CYRIB: variants seen among roughly 807,000 people sequenced by gnomAD.
CYRIB encodes the protein CYFIP related Rac1 interactor B.
In CYRIB, 8 loss-of-function variants were observed where a neutral mutation model predicts 44.2. The ratio of observed to expected loss-of-function variants is 0.18; its 90% CI spans 0.11 to 0.33. The LOEUF (loss-of-function observed/expected upper bound fraction) is 0.33. Among genes scored for constraint, CYRIB ranks in the 10% least tolerant of loss-of-function variants. CYRIB has a pLI of 1.00. For missense variants in CYRIB, 185 were observed against 382.8 expected, an observed-to-expected ratio of 0.48 and a Z score of 4.31; for synonymous variants, 131 against 127.2, an observed-to-expected ratio of 1.03 and a Z score of -0.20.
intron 1 of CYRIB, among the ~76,000 whole-genome samples, chr8:129,993,722 C>T (rs1019418294): frequency 6.6e-6 from 1 of 151,374 alleles, no homozygotes; most frequent in Non-Finnish European, 1.5e-5. Flanking sequence ...ATTAGCCGGA[C>T]GTGGTGGTTC....
intron 11 of CYRIB, chr8:129,844,045 A>G (rs2038260343): frequency 6.6e-6 from 1 of 152,238 alleles, no homozygotes; most frequent in Non-Finnish European, 1.5e-5. Flanking sequence ...CTCTTTATGT[A>G]GATAAAGTAT....
intron 4 of CYRIB, among the ~76,000 whole-genome samples, chr8:129,870,951 G>A (rs999744059): frequency 6.6e-6 from 1 of 152,090 alleles, no homozygotes; most frequent in African/African-American, 2.4e-5. Flanking sequence ...AAAAACAAAA[G>A]AAACAAAAAA....
chr8:130,009,319 G>A (rs1366829343), intron 1 of CYRIB, among the ~76,000 whole-genome samples: 1 of 151,100 alleles, frequency 6.6e-6, no homozygotes, highest in Admixed American at 6.6e-5. Flanking sequence ...CCAGGCTGGA[G>A]TGCAATGGCA....
intron 9 of CYRIB, 185 bp from the exon 12 acceptor site, chr8:129,849,554 T>A: frequency 2.0e-6 from 1 of 511,474 alleles, no homozygotes; most frequent in Non-Finnish European, 3.3e-6. Context: ...CCTTTCCAAA[T>A]CAACCCCCTG....
intron 2 of CYRIB, among the ~76,000 whole-genome samples, chr8:129,965,464 C>T (rs1049011413): frequency 1.3e-5 from 2 of 152,056 alleles, no homozygotes; most frequent in Non-Finnish European, 2.9e-5. Flanking sequence ...GCAGATATGA[C>T]CTACTATTTT....
At chr8:129,924,287 A>C (rs1424035136) in intron 1 of CYRIB, among the ~76,000 whole-genome samples, 1 of 13,282 alleles carries the variant, frequency 7.5e-5, no homozygotes. Flanking sequence ...AAAAAAAAAA[A>C]AACCGGGGGG....
intron 1 of CYRIB, among the ~76,000 whole-genome samples, chr8:129,924,382 G>A (rs2086151081): frequency 7.3e-6 from 1 of 137,842 alleles, no homozygotes; most frequent in Non-Finnish European, 1.5e-5. Flanking sequence ...TCTGTTTCCA[G>A]AACAGATCTG....
chr8:129,984,768 TTTTTTG>T (rs941646292), intron 1 of CYRIB, among the ~76,000 whole-genome samples: 1 of 152,002 alleles, frequency 6.6e-6, no homozygotes, highest in Non-Finnish European at 1.5e-5. Flanking sequence ...GGTGGGGGTT[TTTTTTG>T]TTTTTGTTTT....
chr8:129,847,927 G>A (rs188417886), intron 10 of CYRIB, among the ~76,000 whole-genome samples: 102 of 152,198 alleles, frequency 6.7e-4, no homozygotes, highest in Middle Eastern at 3.4e-3. Context: ...TCAGCCTCCC[G>A]AGTAGCTGGG....
rs75255598 is a variant in CYRIB, at chr8:129,876,979, C to T, written c.73+2410G>A. On this transcript the variant is annotated intron_variant, in intron 3 of 11. Coordinates refer to ENST00000519824, the Ensembl canonical transcript of CYRIB. ...GAGTCTGGTATAAAGCAGTATAAAACGGTTTAAGAGAACACCCATCTGATA... is the reference window on the plus strand; with the variant it reads ...GAGTCTGGTATAAAGCAGTATAAAATGGTTTAAGAGAACACCCATCTGATA... Among the ~76,000 whole-genome samples, 990 of 152,248 alleles carry T rather than the reference C, an allele frequency of 6.5e-3. 9 individuals are homozygous for T. The highest frequency in any genetic ancestry group is 0.023 in the South Asian group (109 of 4,826).
At chr8:129,974,974 G>A (rs1431055822) in intron 1 of CYRIB, among the ~76,000 whole-genome samples, 1 of 151,680 alleles carries the variant, frequency 6.6e-6, no homozygotes, top group Non-Finnish European at 1.5e-5. Flanking sequence ...CTGCCTCCCG[G>A]GTTCAAGAGA....
chr8:129,902,990 T>G (rs1444643476), intron 2 of CYRIB: 1 of 152,520 alleles, frequency 6.6e-6, no homozygotes. Context: ...ATATATACTT[T>G]AAACTACTAA....
intron 1 of CYRIB, among the ~76,000 whole-genome samples, chr8:129,934,367 A>G (rs1163500775): frequency 6.6e-6 from 1 of 152,206 alleles, no homozygotes; most frequent in Non-Finnish European, 1.5e-5. Context: ...CTTAGCCCCA[A>G]GAAGGATCTC....
At chr8:129,885,522 T>C (rs1239845275) in intron 2 of CYRIB, among the ~76,000 whole-genome samples, 2 of 152,174 alleles carry the variant, frequency 1.3e-5, no homozygotes, top group Non-Finnish European at 2.9e-5. Context: ...TCAGCAATAC[T>C]AACATTTGAA....
chr8:129,912,672 A>G (rs1187228885), intron 1 of CYRIB, among the ~76,000 whole-genome samples: 1 of 151,890 alleles, frequency 6.6e-6, no homozygotes, highest in African/African-American at 2.4e-5. Context: ...TTATTTTTTT[A>G]TTTTAGAGAC....
intron 5 of CYRIB, among the ~76,000 whole-genome samples, chr8:129,858,623 C>G (rs183736884): frequency 9.5e-4 from 144 of 152,264 alleles, no homozygotes; most frequent in Non-Finnish European, 1.7e-3. Context: ...TTAAGACAAC[C>G]AAGAGTCATG....
intron 3 of CYRIB, 38 bp from the exon 6 acceptor site, chr8:129,871,534 A>G: frequency 6.3e-7 from 1 of 1,598,430 alleles, no homozygotes; most frequent in Non-Finnish European, 8.5e-7. Context: ...TTACAGTGAC[A>G]TGAATTTTTT....
intron 11 of CYRIB, 120 bp from the exon 14 acceptor site, chr8:129,842,325 T>G: frequency 1.4e-6 from 1 of 697,976 alleles, no homozygotes; most frequent in Non-Finnish European, 2.5e-6. Flanking sequence ...TTATGGCTTC[T>G]CATTGTAGCT....
intron 4 of CYRIB, among the ~76,000 whole-genome samples, chr8:129,869,980 G>A (rs534098501): frequency 1.3e-4 from 19 of 151,676 alleles, no homozygotes; most frequent in African/African-American, 4.6e-4. Flanking sequence ...TGGGGGGGTG[G>A]GGGGAGGGGG....
Sources: allele counts gnomAD v4.1 joint callset (sites outside exome capture counted in the v4.1 genomes callset), GRCh38; gene constraint gnomAD v4.1.1; transcripts MANE v1.5; gene names NCBI Gene and HGNC (gene_info 2026-07-23, HGNC 2026-07-21).